Variants in NME7 observed in about 807,000 individuals in gnomAD.
The protein encoded by NME7 is nucleoside diphosphate kinase 7.
Under a neutral mutation model 49.1 loss-of-function variants are expected in NME7, and 41 were observed. The ratio of observed to expected loss-of-function variants is 0.83; its 90% CI spans 0.65 to 1.08. The LOEUF (loss-of-function observed/expected upper bound fraction) is 1.08, where lower values mean the gene tolerates loss of function less well. NME7 is among the 50% of genes least tolerant of loss of function. NME7 has a pLI of 0.00. For synonymous variants in NME7, 139 were observed against 150.6 expected, an observed-to-expected ratio of 0.92 and a Z score of 0.56; for missense variants, 423 against 463.4, an observed-to-expected ratio of 0.91 and a Z score of 0.80.
intron 4 of NME7, chr1:169,303,447 A>ATCT (rs1201941204): frequency 6.9e-4 from 120 of 174,576 alleles, no homozygotes; most frequent in Admixed American, 1.2e-3. Flanking sequence ...TATATTGTCT[A>ATCT]TCTTCTTCTT....
chr1:169,162,554 T>G lies in NME7; in HGVS notation c.1098+6893A>C, dbSNP rs1659280829. 3.3e-5 allele frequency among the ~76,000 whole-genome samples: 5 copies of G among 152,086 alleles called. No homozygotes were observed. The South Asian group carries it at 1.0e-3, about 32-fold the overall frequency. ...GAAGTGTTTTAATGTTTAAAAAATA[T>G]AAATACAGGCCAGGCATGGTGACTC... On this transcript the variant is annotated intron_variant, in intron 11 of 11. Coordinates refer to ENST00000367811, the MANE Select transcript of NME7 (RefSeq NM_013330.5).
intron 1 of NME7, among the ~76,000 whole-genome samples, chr1:169,358,062 A>C (rs1229723514): frequency 6.6e-6 from 1 of 152,062 alleles, no homozygotes; most frequent in East Asian, 1.9e-4. Flanking sequence ...CTATAAGAGA[A>C]ATTTAGGAAG....
rs1474627030 is a variant in NME7 at position 169,257,090 on chromosome 1, G to A, written c.755-19403C>T. ...GCCTCCTTGAGCTGTGGTGGGCTCC[G>A]CCCAGGTGGAGCTTCCTGGCTGCTT... is the stretch of plus-strand genomic sequence containing the variant. On this transcript the variant is annotated intron_variant, in intron 7 of 11. Transcript: ENST00000367811. Among the ~76,000 whole-genome samples the A allele has an allele frequency of 5.2e-5, 7 of 134,650 alleles. 1 individual carries two copies. Among genetic ancestry groups the A allele is most frequent in the East Asian group, 2.0e-4 (1 of 5,010 alleles). 88.3% of individuals were successfully genotyped at this position (134,650 alleles called of 152,430 possible).
intron 8 of NME7, among the ~76,000 whole-genome samples, chr1:169,235,629 A>C: frequency 6.6e-6 from 1 of 152,258 alleles, no homozygotes; most frequent in East Asian, 1.9e-4. Context: ...TTTATATGCA[A>C]TATTAATTAT....
chr1:169,211,731 G>A (rs1660826262), intron 10 of NME7, among the ~76,000 whole-genome samples: 1 of 152,004 alleles, frequency 6.6e-6, no homozygotes, highest in Non-Finnish European at 1.5e-5. Context: ...AACCAGAAAA[G>A]AGAAAAATCT....
chr1:169,147,455 T>G (rs1477463080), intron 11 of NME7, among the ~76,000 whole-genome samples: 1 of 152,200 alleles, frequency 6.6e-6, no homozygotes, highest in Non-Finnish European at 1.5e-5. Context: ...ATGTTCTAGC[T>G]GTGTGGCCCT....
At chr1:169,280,111 C>G (rs999092838) in intron 7 of NME7, among the ~76,000 whole-genome samples, 1 of 152,202 alleles carries the variant, frequency 6.6e-6, no homozygotes, top group Non-Finnish European at 1.5e-5. Context: ...TTTCCACAAC[C>G]TCTCCAGCAT....
chr1:169,244,424 G>C (rs561868418), intron 7 of NME7, among the ~76,000 whole-genome samples: 69 of 151,556 alleles, frequency 4.6e-4, no homozygotes, highest in Non-Finnish European at 8.5e-4. Context: ...ATGAGATCAG[G>C]AGATCGAGAC....
chr1:169,187,692 G>A (rs1171457228), intron 10 of NME7, among the ~76,000 whole-genome samples: 1 of 152,142 alleles, frequency 6.6e-6, no homozygotes, highest in Non-Finnish European at 1.5e-5. Context: ...GATGGGTCTT[G>A]ACTCTTTATC....
intron 10 of NME7, among the ~76,000 whole-genome samples, chr1:169,227,856 T>C (rs1432676830): frequency 6.6e-6 from 1 of 152,180 alleles, no homozygotes; most frequent in African/African-American, 2.4e-5. Flanking sequence ...AGTGCTATAT[T>C]TCTGGGTTCC....
At chr1:169,197,796 G>A (rs954426437) in intron 10 of NME7, among the ~76,000 whole-genome samples, 3 of 152,018 alleles carry the variant, frequency 2.0e-5, no homozygotes, top group African/African-American at 4.8e-5. Flanking sequence ...TTATGATGCT[G>A]GCTTTGACAA....
At chr1:169,323,369 C>A in intron 2 of NME7, 86 bp from the exon 3 acceptor site, 1 of 1,086,372 alleles carries the variant, frequency 9.2e-7, no homozygotes, top group South Asian at 2.7e-5. Flanking sequence ...AGAAATAATT[C>A]TTAATTCTGT....
At chr1:169,359,772 T>A (rs1026191743) in intron 1 of NME7, among the ~76,000 whole-genome samples, 4 of 152,192 alleles carry the variant, frequency 2.6e-5, no homozygotes, top group African/African-American at 7.2e-5. Flanking sequence ...TCTAGAGCCA[T>A]TATGTGTGCA....
At chr1:169,254,172 A>G (rs961281791) in intron 7 of NME7, among the ~76,000 whole-genome samples, 22 of 150,042 alleles carry the variant, frequency 1.5e-4, no homozygotes, top group Admixed American at 4.6e-4. Flanking sequence ...GGTAGAATTC[A>G]GCTGTGAATC....
At chr1:169,214,171 G>A (rs2101797676) in intron 10 of NME7, among the ~76,000 whole-genome samples, 1 of 152,176 alleles carries the variant, frequency 6.6e-6, no homozygotes, top group East Asian at 1.9e-4. Context: ...TAAAACGTAG[G>A]AAGACATGTT....
At chr1:169,214,694 C>A (rs1660926728) in intron 10 of NME7, among the ~76,000 whole-genome samples, 1 of 152,216 alleles carries the variant, frequency 6.6e-6, no homozygotes. Context: ...GACAGCGGTG[C>A]CCCATTTACT....
chr1:169,282,427 G>GT (rs1415461199), intron 7 of NME7, among the ~76,000 whole-genome samples: 10 of 151,966 alleles, frequency 6.6e-5, no homozygotes, highest in Admixed American at 5.2e-4. Context: ...TTTTTGAAGG[G>GT]TTTTTTGTGT....
intron 11 of NME7, among the ~76,000 whole-genome samples, chr1:169,147,370 C>A (rs1658786756): frequency 6.6e-6 from 1 of 152,176 alleles, no homozygotes; most frequent in Non-Finnish European, 1.5e-5. Context: ...CATTTAAGAT[C>A]ACACAGAAAG....
intron 1 of NME7, among the ~76,000 whole-genome samples, chr1:169,364,578 C>A (rs901318119): frequency 6.6e-6 from 1 of 152,068 alleles, no homozygotes; most frequent in Non-Finnish European, 1.5e-5. Flanking sequence ...GGAAGGAAGG[C>A]ATCACAGAAA....
Sources: gnomAD v4.1 joint callset for allele counts (sites outside exome capture counted in the v4.1 genomes callset) on GRCh38, gnomAD v4.1.1 for gene constraint, MANE v1.5 for transcripts, NCBI Gene and HGNC (gene_info 2026-07-23, HGNC 2026-07-21) for gene names.